ITCH: variants seen among roughly 807,000 people sequenced by gnomAD.
ITCH encodes E3 ubiquitin-protein ligase Itchy homolog.
A neutral mutation model predicts 126.8 loss-of-function variants in ITCH; 28 were observed. The observed-to-expected ratio is 0.22, with a 90% CI of 0.16 to 0.30. The LOEUF is 0.30. Among genes scored for constraint, ITCH ranks in the 10% least tolerant of loss-of-function variants. The probability of loss-of-function intolerance (pLI) is 1.00; values close to 1 mark genes in which losing one functional copy is unlikely to be tolerated. For synonymous variants in ITCH, 342 were observed against 340.0 expected (o/e 1.01, Z -0.06); for missense variants, 631 against 1,032.4 (o/e 0.61, Z 5.33).
At chr20:34,381,249 A>G (rs1295825774) in intron 2 of ITCH, among the ~76,000 whole-genome samples, 1 of 151,908 alleles carries the variant, frequency 6.6e-6, no homozygotes, top group Non-Finnish European at 1.5e-5. Flanking sequence ...ACAAAAAAAC[A>G]ACTATCTGGA....
intron 12 of ITCH, among the ~76,000 whole-genome samples, chr20:34,453,082 G>A (rs1477104752): frequency 4.6e-5 from 7 of 152,150 alleles, no homozygotes; most frequent in Non-Finnish European, 1.0e-4. Context: ...TTGATGTTCA[G>A]TAATTTCAGT....
rs747138707 is a variant in ITCH at position 34,440,148 on chromosome 20, T to C, written c.680-7T>C. On this transcript the variant is annotated splice_polypyrimidine_tract_variant and splice_region_variant and intron_variant, in intron 8 of 24. Transcript: ENST00000374864. ...TTCTTTTCCTATTTTCCCCAAATCT[T>C]TTATAGCATCTGTCAATGGTTCACC... 1 of 1,603,150 alleles carries C rather than the reference T, an allele frequency of 6.2e-7. No homozygotes were observed. Among genetic ancestry groups the C allele is most frequent in the Non-Finnish European group, 8.5e-7 (1 of 1,170,022 alleles).
chr20:34,430,059 A>G (rs552459440), intron 7 of ITCH, among the ~76,000 whole-genome samples: 26 of 152,374 alleles, frequency 1.7e-4, no homozygotes, highest in African/African-American at 6.0e-4. Context: ...TTTGGTGATT[A>G]GAAAGTAGAA....
Position 34,480,675 on chromosome 20 carries a change from G to T in ITCH, c.1895G>T (p.Gly632Val). The change falls in exon 19 of 25, where the codon GGA (glycine) becomes GTA (valine). Residue 632 changes from glycine to valine, a missense_variant. By Grantham distance (109) the Gly-to-Val change is moderately radical (BLOSUM62 -3). Transcript: ENST00000374864. ...AAGCGTATCTTGAACAAACCAGTTG[G>T]ACTCAAGGATTTAGAATCTATTGAT... ...FYKRILNKPV[G>V]LKDLESIDPE... The T allele has an allele frequency of 6.2e-7, 1 of 1,612,264 alleles. No homozygotes were observed. Among genetic ancestry groups the T allele is most frequent in the South Asian group, 1.1e-5 (1 of 91,010 alleles).
chr20:34,483,462 GTC>G (rs1416887201), intron 20 of ITCH, among the ~76,000 whole-genome samples: 1 of 152,006 alleles, frequency 6.6e-6, no homozygotes, highest in Non-Finnish European at 1.5e-5. Flanking sequence ...AAGTACAATC[GTC>G]TCTCTCAAGT....
intron 22 of ITCH, 143 bp downstream of exon 22, chr20:34,490,069 A>C: frequency 1.5e-6 from 1 of 676,472 alleles, no homozygotes; most frequent in Non-Finnish European, 2.7e-6. Context: ...ATGAATACAG[A>C]TTATAACAGC....
intron 12 of ITCH, among the ~76,000 whole-genome samples, chr20:34,452,736 C>T (rs539759615): frequency 3.3e-5 from 5 of 152,244 alleles, no homozygotes; most frequent in African/African-American, 1.2e-4. Flanking sequence ...GGCTGTTCTC[C>T]AGCATAGTAA....
rs1568949777 is a variant in ITCH, at chr20:34,445,459, G to T, written c.1138G>T (p.Gly380Trp). 6.2e-7 allele frequency: 1 copy of T among 1,613,694 alleles called. No homozygotes were observed. The highest frequency in any genetic ancestry group is 1.7e-5 in the Admixed American group (1 of 60,010). The stretch of plus-strand genomic sequence containing the variant: ...GCAGTTTAACCAGAGATTCATTTAT[G>T]GGGTGAGCAGCCTGTTGTTTAATAA... ...MQQFNQRFIYGNQDLFATSQS... is the reference protein window; with the variant it reads ...MQQFNQRFIYWNQDLFATSQS... The change falls in exon 11 of 25, where the codon GGG becomes TGG. Residue 380 changes from glycine (G) to tryptophan (W), a missense_variant and splice_region_variant. Physicochemically the swap from Gly to Trp is radical, Grantham distance 184 (BLOSUM62 -2). Around this residue, in one of 4 missense-constraint regions of ITCH, gnomAD observed 390 missense variants for 731.6 expected, o/e 0.53. Transcript: ENST00000374864.
At chr20:34,375,059 G>A (rs74708044) in intron 2 of ITCH, among the ~76,000 whole-genome samples, 1 of 132,132 alleles carries the variant, frequency 7.6e-6, no homozygotes, top group Non-Finnish European at 1.6e-5. Flanking sequence ...TTTTTTTTTT[G>A]AGACAGAATC....
chr20:34,400,598 G>T (rs139966508), intron 3 of ITCH, among the ~76,000 whole-genome samples: 2 of 151,608 alleles, frequency 1.3e-5, no homozygotes, highest in African/African-American at 4.8e-5. Flanking sequence ...TGTATCAAAG[G>T]GTGGTTAGAT....
intron 23 of ITCH, among the ~76,000 whole-genome samples, chr20:34,501,887 T>G (rs1990270764): frequency 6.6e-6 from 1 of 150,764 alleles, no homozygotes; most frequent in East Asian, 1.9e-4. Context: ...GTAACCTAAA[T>G]AAAGTATGAA....
intron 16 of ITCH, among the ~76,000 whole-genome samples, chr20:34,475,143 C>T (rs1201094131): frequency 1.4e-5 from 2 of 148,030 alleles, no homozygotes; most frequent in African/African-American, 5.0e-5. Context: ...GGATGGCGGC[C>T]GGGCAGAGAC....
rs760620646 is a variant in ITCH at position 34,489,332 on chromosome 20, T to C, written c.2160T>C (p.Phe720=). 1.2e-6 allele frequency: 2 copies of C among 1,612,714 alleles called. No homozygotes were observed. Among genetic ancestry groups the C allele is most frequent in the African/African-American group, 2.7e-5 (2 of 74,886 alleles). ...EEQTQAFFEG[F]NEILPQQYLQ... is the part of the protein sequence containing the mutation. ...AGACACAAGCTTTCTTTGAAGGCTT[T>C]AATGAAATTCTTCCCCAGCAATATT... is the stretch of plus-strand genomic sequence containing the variant. The change falls in exon 21 of 25, where the codon TTT becomes TTC. Residue 720 remains phenylalanine, a synonymous_variant. Coordinates refer to ENST00000374864, the MANE Select transcript of ITCH (RefSeq NM_031483.7).
At chr20:34,473,351 A>G (rs922494126) in intron 16 of ITCH, among the ~76,000 whole-genome samples, 3 of 152,184 alleles carry the variant, frequency 2.0e-5, no homozygotes, top group African/African-American at 7.2e-5. Context: ...AAAGATAAGG[A>G]TACAAATGTC....
intron 3 of ITCH, among the ~76,000 whole-genome samples, chr20:34,404,930 A>G (rs773677450): frequency 6.6e-6 from 1 of 151,642 alleles, no homozygotes; most frequent in East Asian, 1.9e-4. Context: ...GCCCAGGAGT[A>G]CAAGACCAAC....
At position 34,456,200 on chromosome 20, in the gene ITCH, A is replaced by G. The variant is rs1353887228; in HGVS notation, c.1211-1190A>G. On this transcript the variant is annotated intron_variant, in intron 12 of 24. Transcript: ENST00000374864. Reference sequence around the variant, plus strand: ...TGTGTGTGTGTATATATATATATATATATATATATATATATTTTTTTTTTT... The same window carrying G: ...TGTGTGTGTGTATATATATATATATGTATATATATATATATTTTTTTTTTT... 1.2e-3 allele frequency among the ~76,000 whole-genome samples: 45 copies of G among 36,646 alleles called. 1 individual carries two copies. The highest frequency in any genetic ancestry group is 6.8e-3 in the African/African-American group (42 of 6,188). 24.0% of individuals were successfully genotyped at this position (36,646 alleles called of 152,430 possible). A position where few individuals can be genotyped will look rare whatever the true frequency, so the allele number is the denominator to read the frequency against.
chr20:34,382,364 A>G (rs1253412296), intron 2 of ITCH, among the ~76,000 whole-genome samples: 1 of 152,194 alleles, frequency 6.6e-6, no homozygotes, highest in Non-Finnish European at 1.5e-5. Context: ...GTGCATATAC[A>G]TATTACTCAG....
chr20:34,497,184 A>G (rs1989944614), intron 23 of ITCH, among the ~76,000 whole-genome samples: 1 of 151,854 alleles, frequency 6.6e-6, no homozygotes, highest in Non-Finnish European at 1.5e-5. Context: ...TTTAATAGAG[A>G]TAGGGTTTCT....
intron 3 of ITCH, among the ~76,000 whole-genome samples, chr20:34,404,056 C>T (rs2038971526): frequency 6.6e-6 from 1 of 152,116 alleles, no homozygotes; most frequent in Admixed American, 6.5e-5. Context: ...GACATGATCA[C>T]ATCTATTCTA....
Sources: gnomAD v4.1 joint callset for allele counts (sites outside exome capture counted in the v4.1 genomes callset) on GRCh38, gnomAD v4.1.1 for gene constraint, gnomAD v4.1.1 regional missense constraint, MANE v1.5 for transcripts, NCBI Gene and HGNC (gene_info 2026-07-23, HGNC 2026-07-21) for gene names.